The following UBE2O variants were observed in gnomAD, a reference collection of about 807,000 sequenced individuals.
UBE2O encodes the protein (E3-independent) E2 ubiquitin-conjugating enzyme.
A neutral mutation model predicts 125.8 loss-of-function variants in UBE2O; 15 were observed. The observed-to-expected ratio is 0.12, with a 90% CI of 0.08 to 0.18. UBE2O has a LOEUF of 0.18. Among genes scored for constraint, UBE2O ranks in the 10% least tolerant of loss-of-function variants. UBE2O has a pLI of 1.00. For synonymous variants in UBE2O, 708 were observed against 703.2 expected, an observed-to-expected ratio of 1.01 and a Z score of -0.11; for missense variants, 1,280 against 1,723.6, an observed-to-expected ratio of 0.74 and a Z score of 4.56.
intron 1 of UBE2O, among the ~76,000 whole-genome samples, chr17:76,406,395 C>T (rs1287000955): frequency 7.2e-5 from 11 of 152,214 alleles, no homozygotes; most frequent in Admixed American, 1.3e-4. Context: ...TGTCCACCTC[C>T]GAGACCCCAA....
In UBE2O at chr17:76,417,191, A is replaced by G. The variant is rs550469603; in HGVS notation, c.418-11619T>C. On this transcript the variant is annotated intron_variant, in intron 1 of 17. Coordinates refer to ENST00000319380, the MANE Select transcript of UBE2O (RefSeq NM_022066.4). ...GGGTCCTGATTTCCACCTGCCTGGC[A>G]CCTCTCCCTGACTCAGGGGCAGGCT... Among the ~76,000 whole-genome samples the G allele has an allele frequency of 5.3e-5, 8 of 152,054 alleles. No homozygotes were observed. In the East Asian group the frequency reaches 1.4e-3, roughly 26 times the overall value.
chr17:76,392,984 G>A (rs1278787851), intron 15 of UBE2O, among the ~76,000 whole-genome samples: 1 of 151,684 alleles, frequency 6.6e-6, no homozygotes, highest in Admixed American at 6.6e-5. Flanking sequence ...TCAGCCAGAC[G>A]TGATGGCTCA....
At chr17:76,430,449 G>A (rs1055683980) in intron 1 of UBE2O, 12 of 238,178 alleles carry the variant, frequency 5.0e-5, no homozygotes, top group African/African-American at 2.3e-4. Flanking sequence ...CTGTGGATCT[G>A]GCCCTCCCTG....
At chr17:76,430,116 G>A (rs754907129) in intron 1 of UBE2O, among the ~76,000 whole-genome samples, 15 of 151,986 alleles carry the variant, frequency 9.9e-5, no homozygotes, top group Admixed American at 2.0e-4. Flanking sequence ...GTGTTTTTCC[G>A]CAGGTACCAA....
Position 76,452,467 on chromosome 17 carries a change from T to C in UBE2O, c.417+258A>G, listed in dbSNP as rs1011714280. ...AAATCTCGAGGCCGACACCACAGCA[T>C]AACATGTCTTAGAAGTCCCCTCAAG... is the stretch of plus-strand genomic sequence containing the variant. On this transcript the variant is annotated intron_variant, in intron 1 of 17. Coordinates refer to ENST00000319380, the MANE Select transcript of UBE2O (RefSeq NM_022066.4). This position sits in a 1 kb window ranked among gnomAD's most constrained non-coding sequence, Gnocchi z 4.4. Among the ~76,000 whole-genome samples the C allele has an allele frequency of 2.6e-5, 4 of 152,136 alleles. No individual in the cohort carries two copies. Among genetic ancestry groups the C allele is most frequent in the African/African-American group, 4.8e-5 (2 of 41,432 alleles).
At chr17:76,416,603 C>T (rs371423844) in intron 1 of UBE2O, among the ~76,000 whole-genome samples, 1 of 152,196 alleles carries the variant, frequency 6.6e-6, no homozygotes, top group East Asian at 1.9e-4. Context: ...TGAGCCCACA[C>T]CAACCTCCCC....
intron 1 of UBE2O, among the ~76,000 whole-genome samples, chr17:76,417,611 TGA>T (rs1161496638): frequency 6.6e-6 from 1 of 152,078 alleles, no homozygotes; most frequent in Non-Finnish European, 1.5e-5. Flanking sequence ...GGAGGCCAAA[TGA>T]GAGTGCACTG....
At chr17:76,437,321 G>A (rs2073012734) in intron 1 of UBE2O, among the ~76,000 whole-genome samples, 1 of 151,548 alleles carries the variant, frequency 6.6e-6, no homozygotes, top group African/African-American at 2.4e-5. Context: ...GTGGTGGCGG[G>A]CACCTGTAGT....
In UBE2O at chr17:76,392,093, G is replaced by A. The variant is rs1167027528; in HGVS notation, c.2967C>T (p.Ile989=). The A allele has an allele frequency of 2.3e-6, 2 of 871,494 alleles. No homozygotes were observed. Among genetic ancestry groups the A allele is most frequent in the Non-Finnish European group, 3.3e-6 (2 of 613,570 alleles). The allele number at this position is 871,494 out of a possible 1,614,324, so 54.0% of individuals were successfully genotyped here. The change falls in exon 16 of 18, where the codon ATC becomes ATT. Residue 989 remains isoleucine, a synonymous_variant. Transcript: ENST00000319380. ...CGTAGGGGGTTCGAGTGGGGCCCTTGATGAGAGCTGAGAAGAGGTCCTAGG... is the reference window on the plus strand; with the variant it reads ...CGTAGGGGGTTCGAGTGGGGCCCTTAATGAGAGCTGAGAAGAGGTCCTAGG... ...EDRMDLFSAL[I]KGPTRTPYED... is the part of the protein sequence containing the mutation.
rs763935618 is a variant in UBE2O at position 76,399,504 on chromosome 17, G to A, written c.1573C>T (p.Arg525Cys). The A allele has an allele frequency of 4.3e-6, 7 of 1,614,166 alleles. No homozygotes were observed. Among genetic ancestry groups the A allele is most frequent in the South Asian group, 2.2e-5 (2 of 91,082 alleles). The change falls in exon 9 of 18, where the codon CGC (arginine) becomes TGC (cysteine). Residue 525 changes from arginine (R) to cysteine (C), a missense_variant. Around this residue, in one of 10 missense-constraint regions of UBE2O, gnomAD observed 145 missense variants for 219.6 expected, o/e 0.66. Transcript: ENST00000319380. This position sits in a 1 kb window ranked among gnomAD's most constrained non-coding sequence, Gnocchi z 6.9. Reference sequence around the variant, plus strand: ...TTATTCTTCTTCCTCTTGTGTTTGCGCTTTAAGTTCTTGATGGACAAGGGG... The same window carrying A: ...TTATTCTTCTTCCTCTTGTGTTTGCACTTTAAGTTCTTGATGGACAAGGGG... ...SIPLSIKNLK[R>C]KHKRKKNKIT... is the part of the protein sequence containing the mutation.
chr17:76,427,338 A>G (rs568819732), intron 1 of UBE2O, among the ~76,000 whole-genome samples: 4 of 152,180 alleles, frequency 2.6e-5, no homozygotes, highest in Middle Eastern at 3.4e-3. Flanking sequence ...GCTTTATTTG[A>G]TTCTTTAAAA....
chr17:76,402,587 G>C lies in UBE2O; in HGVS notation c.686+15C>G, dbSNP rs780657034. The C allele has an allele frequency of 6.2e-7, 1 of 1,610,054 alleles. No individual in the cohort carries two copies. The highest frequency in any genetic ancestry group is 8.5e-7 in the Non-Finnish European group (1 of 1,176,362). On this transcript the variant is annotated intron_variant, in intron 4 of 17. Transcript: ENST00000319380. This position sits in a 1 kb window ranked among gnomAD's most constrained non-coding sequence, Gnocchi z 5.4. Reference sequence around the variant, plus strand: ...TCCTTCCCAAGCCGATGGCTCTCTGGTGGTGAGACTCTACCTGGCGCCGTT... The same window carrying C: ...TCCTTCCCAAGCCGATGGCTCTCTGCTGGTGAGACTCTACCTGGCGCCGTT...
chr17:76,452,409 C>T lies in UBE2O; in HGVS notation c.417+316G>A. On this transcript the variant is annotated intron_variant, in intron 1 of 17. Transcript: ENST00000319380. This position sits in a 1 kb window ranked among gnomAD's most constrained non-coding sequence, Gnocchi z 4.4. ...GTGTAACGCCGAACGCGCCCCAGAA[C>T]CTGAGTCCCCACGGGAGTCGGTCCA... 6.6e-6 allele frequency among the ~76,000 whole-genome samples: 1 copy of T among 152,168 alleles called. No homozygotes were observed. Among genetic ancestry groups the T allele is most frequent in the East Asian group, 1.9e-4 (1 of 5,186 alleles).
In UBE2O at chr17:76,400,231, G is replaced by A. The variant is rs753050594; in HGVS notation, c.1071C>T (p.Phe357=). 1 of 1,614,082 alleles carries A rather than the reference G, an allele frequency of 6.2e-7. No homozygotes were observed. The highest frequency in any genetic ancestry group is 8.5e-7 in the Non-Finnish European group (1 of 1,180,000). The stretch of plus-strand genomic sequence containing the variant: ...TCTTGGCTGGCTCTACCTTGGCTGG[G>A]AAGACATACAGACAGCGCTCCCCAA... ...RQLGERCLYV[F]PAKVEPAKIA... Residue 357 remains phenylalanine, a synonymous_variant, in exon 8 of 18, where the codon TTC becomes TTT. Coordinates refer to ENST00000319380, the MANE Select transcript of UBE2O (RefSeq NM_022066.4). This position sits in a 1 kb window ranked among gnomAD's most constrained non-coding sequence, Gnocchi z 4.3.
Position 76,402,458 on chromosome 17 carries a change from T to C in UBE2O, c.686+144A>G. On this transcript the variant is annotated intron_variant, in intron 4 of 17. Transcript: ENST00000319380. This position sits in a 1 kb window ranked among gnomAD's most constrained non-coding sequence, Gnocchi z 5.4. ...GGCAGATAAGGAGAACGGTACAGGGTTAGGCCCTGGATGCCTGCAACATCT... is the reference window on the plus strand; with the variant it reads ...GGCAGATAAGGAGAACGGTACAGGGCTAGGCCCTGGATGCCTGCAACATCT... The C allele has an allele frequency of 1.3e-6, 1 of 755,300 alleles. No individual in the cohort carries two copies. The highest frequency in any genetic ancestry group is 1.6e-5 in the South Asian group (1 of 63,220). 46.8% of individuals were successfully genotyped at this position (755,300 alleles called of 1,614,324 possible).
At chr17:76,415,934 C>T (rs894981606) in intron 1 of UBE2O, among the ~76,000 whole-genome samples, 1 of 131,270 alleles carries the variant, frequency 7.6e-6, no homozygotes, top group African/African-American at 2.5e-5. Flanking sequence ...CACGTATATA[C>T]GTATGCGTAT....
intron 1 of UBE2O, among the ~76,000 whole-genome samples, chr17:76,412,075 C>A (rs1738352616): frequency 6.6e-6 from 1 of 152,192 alleles, no homozygotes; most frequent in African/African-American, 2.4e-5. Context: ...TCACAGACAG[C>A]CTGGGACCTC....
intron 1 of UBE2O, among the ~76,000 whole-genome samples, chr17:76,441,170 T>A (rs941226100): frequency 6.6e-6 from 1 of 152,220 alleles, no homozygotes; most frequent in African/African-American, 2.4e-5. Context: ...TGAGTTAACA[T>A]GCCTGGCTCA....
chr17:76,399,794 T>G lies in UBE2O; in HGVS notation c.1283A>C (p.Glu428Ala). 6.2e-7 allele frequency: 1 copy of G among 1,614,198 alleles called. No individual in the cohort carries two copies. The highest frequency in any genetic ancestry group is 1.1e-5 in the South Asian group (1 of 91,088). Residue 428 changes from glutamate to alanine, a missense_variant, in exon 9 of 18, where the codon GAG becomes GCG. By Grantham distance (107) the Glu-to-Ala change is moderately radical (BLOSUM62 -1). Around this residue, in one of 10 missense-constraint regions of UBE2O, gnomAD observed 141 missense variants for 141.3 expected, o/e 1.00. Coordinates refer to ENST00000319380, the MANE Select transcript of UBE2O (RefSeq NM_022066.4). The surrounding 1 kb of genome is among the most constrained non-coding windows in gnomAD (Gnocchi z 6.9). ...GGGCGTCTCCTCAGGGCTGGCAGACTCCGCTTCGCTCTTGGTTTTGGATTC... is the reference window on the plus strand; with the variant it reads ...GGGCGTCTCCTCAGGGCTGGCAGACGCCGCTTCGCTCTTGGTTTTGGATTC... ...KGESKTKSEAESASPEETPDG... is the reference protein window; with the variant it reads ...KGESKTKSEAASASPEETPDG...
Sources: allele counts gnomAD v4.1 joint callset (sites outside exome capture counted in the v4.1 genomes callset), GRCh38; gene constraint gnomAD v4.1.1; regional missense constraint gnomAD v4.1.1; non-coding constraint Gnocchi (gnomAD v3.1); transcripts MANE v1.5; gene names NCBI Gene and HGNC (gene_info 2026-07-23, HGNC 2026-07-21).